The following GSE1 variants were observed in gnomAD, a reference collection of about 807,000 sequenced individuals.
GSE1 encodes genetic suppressor element 1.
Under a neutral mutation model 112.6 loss-of-function variants are expected in GSE1, and 32 were observed. That is an observed-to-expected ratio of 0.28 (90% CI 0.21 to 0.38). The LOEUF is 0.38. Among genes scored for constraint, GSE1 ranks in the 10% least tolerant of loss-of-function variants. The pLI, the probability that GSE1 is intolerant of heterozygous loss-of-function variation, is 1.00. For synonymous variants in GSE1, 1,115 were observed against 735.6 expected (o/e 1.52, Z -8.35); for missense variants, 2,348 against 1,699.2 (o/e 1.38, Z -6.71).
intron 2 of GSE1, among the ~76,000 whole-genome samples, chr16:85,374,995 C>T (rs908535134): frequency 2.0e-5 from 3 of 152,212 alleles, no homozygotes; most frequent in African/African-American, 7.2e-5. Flanking sequence ...GCTGCGGCCC[C>T]AGCGTTCTGG....
chr16:85,615,365 T>G (rs1487380704), intron 1 of GSE1, among the ~76,000 whole-genome samples: 2 of 152,300 alleles, frequency 1.3e-5, no homozygotes, highest in African/African-American at 4.8e-5. Context: ...TAAGAGACTT[T>G]CCGAGACAGC....
chr16:85,419,017 G>A lies in GSE1; in HGVS notation c.2464+61374G>A, dbSNP rs942794571. 2.6e-5 allele frequency among the ~76,000 whole-genome samples: 4 copies of A among 152,176 alleles called. No homozygotes were observed. The highest frequency in any genetic ancestry group is 1.5e-5 in the Non-Finnish European group (1 of 68,028). ...CCGTCCTGGCCATGTGAGAGCTGCC[G>A]TGAGACACTGTGCGGAGATCCAACT... On this transcript the variant is annotated intron_variant, in intron 2 of 2. Transcript: ENST00000637419. The surrounding 1 kb of genome is among the most constrained non-coding windows in gnomAD (Gnocchi z 6.5).
At chr16:85,193,623 C>A (rs189298260) in intron 1 of GSE1, among the ~76,000 whole-genome samples, 5 of 152,264 alleles carry the variant, frequency 3.3e-5, no homozygotes, top group Admixed American at 1.3e-4. Flanking sequence ...CCATGCCTGA[C>A]TAATTTTTGT....
At chr16:85,208,027 G>C (rs2075151045) in intron 1 of GSE1, 1 of 152,248 alleles carries the variant, frequency 6.6e-6, no homozygotes, top group Admixed American at 6.5e-5. Flanking sequence ...GAAGTTTGGG[G>C]GGGGTGCCAG....
chr16:85,432,023 G>A (rs1266650734), intron 2 of GSE1, among the ~76,000 whole-genome samples: 1 of 152,208 alleles, frequency 6.6e-6, no homozygotes, highest in Admixed American at 6.5e-5. Flanking sequence ...GTGCTGGGAC[G>A]CACACCGGAG....
intron 1 of GSE1, among the ~76,000 whole-genome samples, chr16:85,237,115 G>A (rs1434945336): frequency 1.3e-5 from 2 of 152,140 alleles, no homozygotes; most frequent in Non-Finnish European, 2.9e-5. Flanking sequence ...CACAAGGTCA[G>A]GAGTTTGAGA....
intron 2 of GSE1, among the ~76,000 whole-genome samples, chr16:85,418,416 A>G (rs1463448635): frequency 6.6e-6 from 1 of 152,126 alleles, no homozygotes; most frequent in African/African-American, 2.4e-5. Context: ...TGTCTCGTCT[A>G]CTGCTCTTTG....
At chr16:85,468,479 G>C (rs528278920) in intron 2 of GSE1, among the ~76,000 whole-genome samples, 1 of 151,996 alleles carries the variant, frequency 6.6e-6, no homozygotes, top group Admixed American at 6.5e-5. Flanking sequence ...ACCATGCCCA[G>C]CTAGTTTTTG....
chr16:85,451,343 C>T (rs376839345), intron 2 of GSE1, among the ~76,000 whole-genome samples: 5 of 152,342 alleles, frequency 3.3e-5, no homozygotes, highest in African/African-American at 7.2e-5. Flanking sequence ...TAGGCGGAGG[C>T]GTTCAGTACA....
At chr16:85,671,494 G>GT (rs1359613187) in intron 15 of GSE1, among the ~76,000 whole-genome samples, 1 of 149,894 alleles carries the variant, frequency 6.7e-6, no homozygotes, top group Admixed American at 6.6e-5. Flanking sequence ...GCTTACACCT[G>GT]TAATCCCAGC....
intron 2 of GSE1, among the ~76,000 whole-genome samples, chr16:85,547,338 G>T (rs550809209): frequency 6.6e-6 from 1 of 152,324 alleles, no homozygotes; most frequent in South Asian, 2.1e-4. Flanking sequence ...CCATGTGTCA[G>T]CGGGGCCATG....
At chr16:85,621,876 C>T (rs941133273) in intron 1 of GSE1, among the ~76,000 whole-genome samples, 2 of 152,214 alleles carry the variant, frequency 1.3e-5, no homozygotes, top group Non-Finnish European at 2.9e-5. Flanking sequence ...TTCTTCCCAC[C>T]CCATACTCCC....
chr16:85,261,000 G>T (rs1213343119), intron 1 of GSE1, among the ~76,000 whole-genome samples: 1 of 152,222 alleles, frequency 6.6e-6, no homozygotes, highest in Non-Finnish European at 1.5e-5. Flanking sequence ...GGGGCATTCA[G>T]CCTGGGGGTG....
chr16:85,583,149 G>C (rs1320108423), intron 1 of GSE1, among the ~76,000 whole-genome samples: 3 of 152,132 alleles, frequency 2.0e-5, no homozygotes, highest in Admixed American at 1.3e-4. Flanking sequence ...GGTAGGAAAC[G>C]CTGGCCCAGT....
rs181091125 is a variant in GSE1, at chr16:85,601,555, C to T, written c.37+45192C>T. Among the ~76,000 whole-genome samples the T allele has an allele frequency of 3.6e-3, 541 of 152,242 alleles. 3 individuals are homozygous for T. Among genetic ancestry groups the T allele is most frequent in the African/African-American group, 0.013 (519 of 41,516 alleles). ...GTGACCTGGGGACCCACTGCCTCCA[C>T]GCTCACCTTCAGCGCGGGGCCGGCA... is the stretch of plus-strand genomic sequence containing the variant. On this transcript the variant is annotated intron_variant, in intron 1 of 2. Transcript: ENST00000635906.
chr16:85,531,612 C>T (rs951926334), intron 2 of GSE1, among the ~76,000 whole-genome samples: 2 of 152,214 alleles, frequency 1.3e-5, no homozygotes, highest in African/African-American at 4.8e-5. Context: ...CTGCCTGCCC[C>T]CCTTCCGCCC....
At chr16:85,465,137 G>A (rs934807013) in intron 2 of GSE1, among the ~76,000 whole-genome samples, 1 of 152,212 alleles carries the variant, frequency 6.6e-6, no homozygotes, top group Non-Finnish European at 1.5e-5. Flanking sequence ...AGAAAGATCC[G>A]GTCACTCCGA....
chr16:85,490,620 G>A (rs2050979765), intron 2 of GSE1: 1 of 152,190 alleles, frequency 6.6e-6, no homozygotes, highest in Admixed American at 6.5e-5. Context: ...ACCCCGAGTG[G>A]AGGCGGCCAC....
At chr16:85,203,476 A>G (rs542399560) in intron 1 of GSE1, among the ~76,000 whole-genome samples, 3 of 152,208 alleles carry the variant, frequency 2.0e-5, no homozygotes, top group African/African-American at 7.2e-5. Flanking sequence ...GAGGGGTTGG[A>G]TGGAGGGAGA....
Sources: gnomAD v4.1 joint callset for allele counts (sites outside exome capture counted in the v4.1 genomes callset) on GRCh38, gnomAD v4.1.1 for gene constraint, Gnocchi (gnomAD v3.1) non-coding constraint, MANE v1.5 for transcripts, NCBI Gene and HGNC (gene_info 2026-07-23, HGNC 2026-07-21) for gene names.